USP40: variants seen among roughly 807,000 people sequenced by gnomAD.
The protein encoded by USP40 is ubiquitin carboxyl-terminal hydrolase 40.
Under a neutral mutation model 166.2 loss-of-function variants are expected in USP40, and 143 were observed. The observed-to-expected ratio is 0.86, with a 90% CI of 0.75 to 0.99. USP40 has a LOEUF of 0.99. USP40 is among the 50% of genes least tolerant of loss of function. The pLI is 0.00. For synonymous variants in USP40, 498 were observed against 524.0 expected (o/e 0.95, Z 0.68); for missense variants, 1,444 against 1,479.7 (o/e 0.98, Z 0.40).
At chr2:233,531,723 T>C (rs1467442842) in intron 11 of USP40, among the ~76,000 whole-genome samples, 1 of 152,240 alleles carries the variant, frequency 6.6e-6, no homozygotes, top group African/African-American at 2.4e-5. Flanking sequence ...ACTGCTTTAT[T>C]CTTATTCTTC....
At chr2:233,479,886 G>A (rs1348338644) in intron 31 of USP40, among the ~76,000 whole-genome samples, 1 of 152,142 alleles carries the variant, frequency 6.6e-6, no homozygotes, top group East Asian at 1.9e-4. Flanking sequence ...AGAGCAGAGA[G>A]GAAGGGGCCC....
intron 18 of USP40, among the ~76,000 whole-genome samples, chr2:233,518,669 C>T (rs1286350660): frequency 6.6e-6 from 1 of 151,716 alleles, no homozygotes; most frequent in Non-Finnish European, 1.5e-5. Flanking sequence ...ATAAATGGTT[C>T]AGTCACTTTG....
At chr2:233,546,013 A>C (rs1010465302) in intron 8 of USP40, 21 of 152,346 alleles carry the variant, frequency 1.4e-4, no homozygotes, top group Admixed American at 1.3e-3. Flanking sequence ...AAAAAATAAC[A>C]AATGGGATGC....
chr2:233,565,380 G>A lies in USP40; in HGVS notation c.175C>T (p.Leu59Phe). 6.5e-7 allele frequency: 1 copy of A among 1,537,160 alleles called. No individual in the cohort carries two copies. The highest frequency in any genetic ancestry group is 8.7e-7 in the Non-Finnish European group (1 of 1,146,772). ...TCYLNSLLQTLHFTPEFREAL... is the reference protein window; with the variant it reads ...TCYLNSLLQTFHFTPEFREAL... ...CCTCTGAATTCAGGTGTGAAATGAA[G>A]AGTCTGAAGAAGGGAATTGAGGTAA... The change falls in exon 2 of 32, where the codon CTT (leucine) becomes TTT (phenylalanine). Residue 59 changes from leucine to phenylalanine, a missense_variant. Transcript: ENST00000678225.
At chr2:233,478,793 G>C (rs968545388) in intron 31 of USP40, among the ~76,000 whole-genome samples, 2 of 152,010 alleles carry the variant, frequency 1.3e-5, no homozygotes, top group Non-Finnish European at 2.9e-5. Context: ...AAAACAGCAA[G>C]GTTACCAAGA....
chr2:233,506,661 G>A (rs1186834538), intron 21 of USP40, among the ~76,000 whole-genome samples: 1 of 149,914 alleles, frequency 6.7e-6, no homozygotes, highest in Non-Finnish European at 1.5e-5. Context: ...TTGGGAGGCC[G>A]AGATGGGCAG....
At chr2:233,484,807 T>G (rs115726917) in intron 30 of USP40, among the ~76,000 whole-genome samples, 1,880 of 152,272 alleles carry the variant, frequency 0.012, 51 homozygotes, top group African/African-American at 0.041. Flanking sequence ...TAAGAACGGT[T>G]TTATATTTTC....
chr2:233,507,279 A>T (rs78785961), intron 21 of USP40, among the ~76,000 whole-genome samples: 1,938 of 152,316 alleles, frequency 0.013, 37 homozygotes, highest in East Asian at 0.083. Flanking sequence ...CCTCACAAAA[A>T]TAAACATAGA....
intron 24 of USP40, 128 bp downstream of exon 24, chr2:233,496,630 G>A (rs746161012): frequency 1.9e-6 from 1 of 531,184 alleles, no homozygotes; most frequent in Non-Finnish European, 3.2e-6. Context: ...GATAGCATTT[G>A]GGGAAAGTTC....
At chr2:233,498,879 G>A (rs528947264) in intron 22 of USP40, among the ~76,000 whole-genome samples, 88 of 152,124 alleles carry the variant, frequency 5.8e-4, no homozygotes, top group South Asian at 8.3e-4. Context: ...TTTACATTCC[G>A]TCATCTATAC....
At chr2:233,527,759 G>A (rs2068144922) in intron 12 of USP40, among the ~76,000 whole-genome samples, 181 bp from the exon 13 acceptor site, 1 of 152,104 alleles carries the variant, frequency 6.6e-6, no homozygotes, top group African/African-American at 2.4e-5. Context: ...ATTCAGTTCT[G>A]TCACCATGAA....
Position 233,512,628 on chromosome 2 carries a change from T to C in USP40, c.2384-6A>G. ...TCTCAAACAGCTGTTGTCAGCTATA[T>C]ATAAAAGGAATATTATTTTTCTTAG... is the stretch of plus-strand genomic sequence containing the variant. On this transcript the variant is annotated splice_polypyrimidine_tract_variant and splice_region_variant and intron_variant, in intron 18 of 31. Transcript: ENST00000678225. The C allele has an allele frequency of 5.2e-6, 8 of 1,533,776 alleles. No individual in the cohort carries two copies. Among genetic ancestry groups the C allele is most frequent in the Non-Finnish European group, 7.0e-6 (8 of 1,136,200 alleles).
rs1575307686 is a variant in USP40 at position 233,533,877 on chromosome 2, T to C, written c.1171-98A>G. 2.5e-6 allele frequency: 3 copies of C among 1,223,212 alleles called. No individual in the cohort carries two copies. In the East Asian group the frequency reaches 7.6e-5, roughly 31 times the overall value. The allele number at this position is 1,223,212 out of a possible 1,614,324, so 75.8% of individuals were successfully genotyped here. On this transcript the variant is annotated intron_variant, in intron 10 of 31. Coordinates refer to ENST00000678225, the MANE Select transcript of USP40 (RefSeq NM_001365479.2). Reference sequence around the variant, plus strand: ...TCTTCCTTTCTGTGATTAGATCATTTAACTTCATCTTTATTTCTGACCTGG... The same window carrying C: ...TCTTCCTTTCTGTGATTAGATCATTCAACTTCATCTTTATTTCTGACCTGG...
chr2:233,564,489 G>C (rs1390612891), intron 2 of USP40, among the ~76,000 whole-genome samples: 1 of 152,020 alleles, frequency 6.6e-6, no homozygotes, highest in Non-Finnish European at 1.5e-5. Flanking sequence ...TATATAGAGA[G>C]AAACAGGGGC....
At chr2:233,529,665 T>C (rs1423397005) in intron 11 of USP40, among the ~76,000 whole-genome samples, 153 bp from the exon 12 acceptor site, 1 of 152,156 alleles carries the variant, frequency 6.6e-6, no homozygotes, top group African/African-American at 2.4e-5. Flanking sequence ...ATCTCAGTTT[T>C]CCCATCTGAA....
rs748260896 is a variant in USP40 at position 233,533,572 on chromosome 2, T to A, written c.1378A>T (p.Ile460Phe). 1 of 1,613,786 alleles carries A rather than the reference T, an allele frequency of 6.2e-7. No individual in the cohort carries two copies. The highest frequency in any genetic ancestry group is 8.5e-7 in the Non-Finnish European group (1 of 1,179,830). The change falls in exon 11 of 32, where the codon ATC becomes TTC. Residue 460 changes from isoleucine (I) to phenylalanine (F), a missense_variant. Physicochemically the swap from Ile to Phe is conservative, Grantham distance 21. Coordinates refer to ENST00000678225, the MANE Select transcript of USP40 (RefSeq NM_001365479.2). Reference sequence around the variant, plus strand: ...TGCTGTTCAATATCCTTTTCCCTGATTGGCTGGACTTTAGAATCATTTATA... The same window carrying A: ...TGCTGTTCAATATCCTTTTCCCTGAATGGCTGGACTTTAGAATCATTTATA... ...FDINDSKVQP[I>F]REKDIEQQFQ...
At chr2:233,491,002 C>T (rs1294975728) in intron 26 of USP40, 165 bp downstream of exon 26, 1 of 720,602 alleles carries the variant, frequency 1.4e-6, no homozygotes, top group East Asian at 2.7e-5. Flanking sequence ...CCGTCTGCAC[C>T]ATGGGCGTGT....
At chr2:233,479,521 C>A (rs1159811566) in intron 31 of USP40, among the ~76,000 whole-genome samples, 1 of 151,298 alleles carries the variant, frequency 6.6e-6, no homozygotes, top group East Asian at 1.9e-4. Context: ...TGAGATCGTG[C>A]CACTGCACTC....
In USP40 at chr2:233,498,600, T is replaced by C. The variant is rs781259344; in HGVS notation, c.2663A>G (p.His888Arg). The change falls in exon 23 of 32, where the codon CAT (histidine) becomes CGT (arginine). Residue 888 changes from histidine (H) to arginine (R), a missense_variant. Coordinates refer to ENST00000678225, the MANE Select transcript of USP40 (RefSeq NM_001365479.2). ...KKSGLQGDAW[H>R]LRKMDWCYEA... ...ATAGCACCAATCCATTTTTCGTAAA[T>C]GCCAGGCATCTCCTATAAAGGAGTC... The C allele has an allele frequency of 8.1e-6, 13 of 1,613,330 alleles. No individual in the cohort carries two copies. Among genetic ancestry groups the C allele is most frequent in the Non-Finnish European group, 1.0e-5 (12 of 1,179,618 alleles).
Sources: gnomAD v4.1 joint callset for allele counts (sites outside exome capture counted in the v4.1 genomes callset) on GRCh38, gnomAD v4.1.1 for gene constraint, MANE v1.5 for transcripts, NCBI Gene and HGNC (gene_info 2026-07-23, HGNC 2026-07-21) for gene names.